Variants in ENPP3 observed in about 807,000 individuals in gnomAD.
ENPP3 encodes the protein ectonucleotide pyrophosphatase/phosphodiesterase 3, also known as ectonucleotide pyrophosphatase/phosphodiesterase family member 3.
Under a neutral mutation model 117.8 loss-of-function variants are expected in ENPP3, and 104 were observed. That is an observed-to-expected ratio of 0.88 (90% CI 0.75 to 1.04). The LOEUF is 1.04. Among genes scored for constraint, ENPP3 ranks in the 50% least tolerant of loss-of-function variants. The probability of loss-of-function intolerance (pLI) is 0.00; values close to 1 mark genes in which losing one functional copy is unlikely to be tolerated. For synonymous variants in ENPP3, 380 were observed against 349.9 expected (o/e 1.09, Z -0.96); for missense variants, 1,026 against 1,051.9 (o/e 0.98, Z 0.34).
intron 20 of ENPP3, among the ~76,000 whole-genome samples, chr6:131,727,594 A>G (rs1175230970): frequency 6.6e-6 from 1 of 151,304 alleles, no homozygotes; most frequent in Non-Finnish European, 1.5e-5. Flanking sequence ...ACAAAACTTT[A>G]AAGTATGCCT....
chr6:131,652,128 CTG>C (rs898658817), intron 3 of ENPP3, among the ~76,000 whole-genome samples: 12 of 152,366 alleles, frequency 7.9e-5, no homozygotes, highest in African/African-American at 2.6e-4. Flanking sequence ...AAAGACATGA[CTG>C]TGCTCCTGTT....
At chr6:131,647,636 C>T (rs146763511) in intron 2 of ENPP3, among the ~76,000 whole-genome samples, 1 of 152,082 alleles carries the variant, frequency 6.6e-6, no homozygotes, top group African/African-American at 2.4e-5. Context: ...TCTCCATAAC[C>T]TCCTCTACAT....
chr6:131,685,678 A>C (rs1355732334), intron 13 of ENPP3, among the ~76,000 whole-genome samples, 183 bp downstream of exon 13: 2 of 152,194 alleles, frequency 1.3e-5, no homozygotes, highest in Non-Finnish European at 2.9e-5. Flanking sequence ...GGTAATATCT[A>C]ATATTGTTAG....
chr6:131,742,549 A>C (rs1044890314), intron 24 of ENPP3, among the ~76,000 whole-genome samples: 5 of 152,034 alleles, frequency 3.3e-5, no homozygotes, highest in African/African-American at 1.2e-4. Flanking sequence ...CTTAAAATTT[A>C]GTTTATATTT....
At chr6:131,722,129 G>A (rs1780046034) in intron 17 of ENPP3, 98 bp from the exon 18 acceptor site, 2 of 781,408 alleles carry the variant, frequency 2.6e-6, no homozygotes, top group African/African-American at 3.5e-5. Flanking sequence ...TTTATTAAAG[G>A]GAGTGAAAGA....
intron 15 of ENPP3, chr6:131,701,285 C>T (rs1366984246): frequency 6.5e-7 from 1 of 1,536,234 alleles, no homozygotes; most frequent in Non-Finnish European, 9.0e-7. Flanking sequence ...TCCCGTTCCC[C>T]AGCAGGGTGA....
intron 1 of ENPP3, chr6:131,638,377 C>A: frequency 3.2e-6 from 1 of 316,828 alleles, no homozygotes; most frequent in South Asian, 2.7e-5. Flanking sequence ...CTTCACTAAA[C>A]CCTATCTAAG....
At chr6:131,684,640 C>T (rs1779110178) in intron 12 of ENPP3, among the ~76,000 whole-genome samples, 1 of 151,132 alleles carries the variant, frequency 6.6e-6, no homozygotes, top group East Asian at 1.9e-4. Context: ...AGCGAGATCA[C>T]ACCACTGCAC....
Position 131,637,409 on chromosome 6 carries a change from A to T in ENPP3, c.25A>T (p.Thr9Ser). The T allele has an allele frequency of 6.3e-7, 1 of 1,597,918 alleles. No homozygotes were observed. The highest frequency in any genetic ancestry group is 1.7e-4 in the Middle Eastern group (1 of 6,026). MESTLTLA[T>S]EQPVKKNTLK... is the part of the protein sequence containing the mutation. ...AATGGAATCTACGTTGACTTTAGCAACGGAACAACCTGTTAAGAAGAACAC... is the reference window on the plus strand; with the variant it reads ...AATGGAATCTACGTTGACTTTAGCATCGGAACAACCTGTTAAGAAGAACAC... Residue 9 changes from threonine (T) to serine (S), a missense_variant, in exon 1 of 25, where the codon ACG becomes TCG. Coordinates refer to ENST00000357639, the MANE Select transcript of ENPP3 (RefSeq NM_005021.5).
intron 2 of ENPP3, chr6:131,642,935 C>T (rs2114288554): frequency 6.6e-6 from 1 of 152,332 alleles, no homozygotes; most frequent in Non-Finnish European, 1.5e-5. Context: ...AAATAAACCT[C>T]ATTGGCTACT....
At chr6:131,740,132 A>G (rs1336692561) in intron 23 of ENPP3, 92 bp from the exon 24 acceptor site, 1 of 873,198 alleles carries the variant, frequency 1.1e-6, no homozygotes, top group African/African-American at 1.8e-5. Flanking sequence ...ATTATTTTAC[A>G]TGTATATGAA....
intron 6 of ENPP3, among the ~76,000 whole-genome samples, chr6:131,667,967 AT>A (rs987920926): frequency 2.6e-5 from 4 of 151,720 alleles, no homozygotes; most frequent in African/African-American, 9.7e-5. Context: ...ATTATTCTTT[AT>A]TTTTTTTGAG....
At chr6:131,709,473 G>C in intron 15 of ENPP3, 1 of 1,609,134 alleles carries the variant, frequency 6.2e-7, no homozygotes, top group South Asian at 1.1e-5. Context: ...AATGCTCTCT[G>C]CCAAATGCTG....
chr6:131,671,174 A>G (rs1346872014), intron 6 of ENPP3, 74 bp from the exon 7 acceptor site: 3 of 834,250 alleles, frequency 3.6e-6, no homozygotes, highest in East Asian at 4.9e-5. Context: ...AGAGACTTTC[A>G]TGTTCAGATT....
At chr6:131,651,569 A>C (rs1778264134) in intron 3 of ENPP3, among the ~76,000 whole-genome samples, 1 of 152,236 alleles carries the variant, frequency 6.6e-6, no homozygotes, top group African/African-American at 2.4e-5. Context: ...TTCTGATGCC[A>C]GTATTCCACA....
chr6:131,658,608 C>T (rs1243718645), intron 6 of ENPP3, among the ~76,000 whole-genome samples, 188 bp downstream of exon 6: 2 of 152,168 alleles, frequency 1.3e-5, no homozygotes, highest in Non-Finnish European at 2.9e-5. Context: ...CTTCTCCTAC[C>T]TTTATTTTGG....
chr6:131,711,012 C>G (rs903151815), intron 15 of ENPP3: 1 of 1,592,084 alleles, frequency 6.3e-7, no homozygotes, highest in African/African-American at 1.6e-5. Context: ...CACCAGGCTC[C>G]TCCATAGCGT....
intron 15 of ENPP3, 51 bp downstream of exon 15, chr6:131,693,675 A>G: frequency 6.4e-7 from 1 of 1,566,918 alleles, no homozygotes; most frequent in Non-Finnish European, 8.7e-7. Context: ...ACCATTTGTC[A>G]TTATAAGTCT....
At chr6:131,727,555 CAAAAAAAA>C in intron 20 of ENPP3, among the ~76,000 whole-genome samples, 1 of 52,266 alleles carries the variant, frequency 1.9e-5, no homozygotes, top group African/African-American at 6.1e-5. Flanking sequence ...AAGTCCATCT[CAAAAAAAA>C]AAAAAAAAAA....
Sources: gnomAD v4.1 joint callset for allele counts (sites outside exome capture counted in the v4.1 genomes callset) on GRCh38, gnomAD v4.1.1 for gene constraint, MANE v1.5 for transcripts, NCBI Gene and HGNC (gene_info 2026-07-23, HGNC 2026-07-21) for gene names.